Variants in SELENOF observed in about 807,000 individuals in gnomAD.
The protein encoded by SELENOF is selenoprotein F.
A neutral mutation model predicts 20.5 loss-of-function variants in SELENOF; 16 were observed. The ratio of observed to expected loss-of-function variants is 0.78; its 90% confidence interval spans 0.53 to 1.19. SELENOF has a LOEUF of 1.19. Ranked by LOEUF, SELENOF falls within the 50% of genes most tolerant of loss-of-function variation. SELENOF has a pLI of 0.00. For missense variants in SELENOF, 215 were observed against 194.2 expected (o/e 1.11, Z -0.64); for synonymous variants, 78 against 74.5 (o/e 1.05, Z -0.24).
chr1:86,871,948 A>C (rs1658780637), intron 3 of SELENOF, among the ~76,000 whole-genome samples: 1 of 151,918 alleles, frequency 6.6e-6, no homozygotes, highest in African/African-American at 2.4e-5. Context: ...CCTTAAAGAG[A>C]CTTTTTTTTT....
chr1:86,885,820 G>A (rs766651139), intron 2 of SELENOF, among the ~76,000 whole-genome samples: 10 of 152,144 alleles, frequency 6.6e-5, no homozygotes, highest in Non-Finnish European at 1.0e-4. Flanking sequence ...GTCATTCACT[G>A]AGCTTCAGTT....
At position 86,862,776 on chromosome 1, in the gene SELENOF, T is replaced by C. The variant is rs1658488024; in HGVS notation, c.*698A>G. ...GGTCTTACAAATGATCACTTTTAAA[T>C]GGACTTTTCTGTAAGAATGTAAAAC... On this transcript the variant is annotated 3_prime_UTR_variant, in exon 5 of 5. Coordinates refer to ENST00000331835, the MANE Select transcript of SELENOF (RefSeq NM_004261.5). 6.6e-6 allele frequency: 1 copy of C among 152,294 alleles called. No homozygotes were observed. The highest frequency in any genetic ancestry group is 1.5e-5 in the Non-Finnish European group (1 of 68,036). 9.4% of individuals were successfully genotyped at this position (152,294 alleles called of 1,614,324 possible).
intron 3 of SELENOF, among the ~76,000 whole-genome samples, chr1:86,870,432 CT>C (rs1658731408): frequency 6.6e-6 from 1 of 152,126 alleles, no homozygotes; most frequent in African/African-American, 2.4e-5. Flanking sequence ...TTTTTATTGC[CT>C]TTTATGCTGT....
chr1:86,887,341 A>G, intron 2 of SELENOF: 1 of 918,496 alleles, frequency 1.1e-6, no homozygotes, highest in Non-Finnish European at 1.5e-6. Context: ...CAAAGCAATG[A>G]GTTTATGCCT....
intron 3 of SELENOF, 133 bp downstream of exon 3, chr1:86,880,529 G>GA (rs1246550002): frequency 8.7e-5 from 44 of 507,360 alleles, no homozygotes; most frequent in Middle Eastern, 5.3e-4. Flanking sequence ...AAAACAAATT[G>GA]AAAAAAAAGC....
intron 1 of SELENOF, among the ~76,000 whole-genome samples, chr1:86,905,685 CA>C (rs1400245108): frequency 1.3e-5 from 2 of 152,170 alleles, no homozygotes; most frequent in Non-Finnish European, 2.9e-5. Context: ...ATAAATCGCA[CA>C]AAGCCATAGC....
chr1:86,908,819 C>T (rs1042101019), intron 1 of SELENOF, among the ~76,000 whole-genome samples: 6 of 152,170 alleles, frequency 3.9e-5, no homozygotes, highest in South Asian at 4.2e-4. Context: ...TTCTGGGGAG[C>T]GTTAATAAAC....
At chr1:86,898,993 A>T (rs983796406) in intron 2 of SELENOF, among the ~76,000 whole-genome samples, 4 of 151,918 alleles carry the variant, frequency 2.6e-5, no homozygotes, top group Non-Finnish European at 5.9e-5. Flanking sequence ...ACTCTTAAGG[A>T]GCATGCCGCC....
At chr1:86,896,713 G>A (rs947312971) in intron 2 of SELENOF, among the ~76,000 whole-genome samples, 5 of 152,122 alleles carry the variant, frequency 3.3e-5, no homozygotes, top group African/African-American at 9.7e-5. Context: ...ATGTAGAAAC[G>A]GGAGATCTAT....
intron 2 of SELENOF, among the ~76,000 whole-genome samples, chr1:86,893,104 C>T (rs1386413200): frequency 6.6e-6 from 1 of 152,004 alleles, no homozygotes; most frequent in Non-Finnish European, 1.5e-5. Flanking sequence ...CAGATTATAC[C>T]CTAGTTTCCT....
intron 3 of SELENOF, among the ~76,000 whole-genome samples, chr1:86,873,260 G>GAAACA (rs967854314): frequency 2.6e-5 from 4 of 151,832 alleles, no homozygotes; most frequent in Non-Finnish European, 5.9e-5. Context: ...CCGTCTCAAA[G>GAAACA]AAACAAAACA....
chr1:86,871,861 CT>C lies in SELENOF; in HGVS notation c.317-3760del, dbSNP rs370269072. On this transcript the variant is annotated intron_variant, in intron 3 of 4. Transcript: ENST00000331835. The stretch of plus-strand genomic sequence containing the variant: ...GATCACATTGTAATCACCTCATGTG[CT>C]CTATAGCTGCATGAGTCATTAAATA... 1.7e-3 allele frequency among the ~76,000 whole-genome samples: 252 copies of C among 152,250 alleles called. 1 individual carries two copies. Among genetic ancestry groups the C allele is most frequent in the African/African-American group, 5.7e-3 (237 of 41,562 alleles).
At chr1:86,899,173 C>G (rs1178473867) in intron 2 of SELENOF, among the ~76,000 whole-genome samples, 1 of 151,344 alleles carries the variant, frequency 6.6e-6, no homozygotes, top group African/African-American at 2.4e-5. Flanking sequence ...GAAAAGTCTC[C>G]CATGTCTACT....
chr1:86,882,086 G>C (rs1659085299), intron 2 of SELENOF, among the ~76,000 whole-genome samples: 1 of 151,660 alleles, frequency 6.6e-6, no homozygotes, highest in African/African-American at 2.4e-5. Flanking sequence ...ACAAAAATTA[G>C]CTGGGCGTGG....
chr1:86,890,520 C>T (rs963533787), intron 2 of SELENOF, among the ~76,000 whole-genome samples: 1 of 152,090 alleles, frequency 6.6e-6, no homozygotes, highest in South Asian at 2.1e-4. Flanking sequence ...AGACAGAGCT[C>T]GCTCTGTTAC....
intron 2 of SELENOF, among the ~76,000 whole-genome samples, chr1:86,888,183 C>G (rs1256214732): frequency 6.6e-6 from 1 of 151,328 alleles, no homozygotes; most frequent in African/African-American, 2.4e-5. Flanking sequence ...TCACTTGGAC[C>G]TGGGAGGTGG....
rs192647177 is a variant in SELENOF, at chr1:86,911,010, A to G, written c.84+3018T>C. ...ATTTCACTTATACATCAAGTATAGTACTACTCTGTATATGTGTCACTAGAG... is the reference window on the plus strand; with the variant it reads ...ATTTCACTTATACATCAAGTATAGTGCTACTCTGTATATGTGTCACTAGAG... On this transcript the variant is annotated intron_variant, in intron 1 of 4. Coordinates refer to ENST00000331835, the MANE Select transcript of SELENOF (RefSeq NM_004261.5). 3.9e-5 allele frequency among the ~76,000 whole-genome samples: 6 copies of G among 152,368 alleles called. No individual in the cohort carries two copies. In the East Asian group the frequency reaches 1.2e-3, roughly 29 times the overall value.
chr1:86,905,706 G>A (rs1042780655), intron 1 of SELENOF, among the ~76,000 whole-genome samples: 2 of 152,172 alleles, frequency 1.3e-5, no homozygotes, highest in African/African-American at 4.8e-5. Context: ...CGTCAGGTAG[G>A]GGAAATTTCA....
intron 2 of SELENOF, among the ~76,000 whole-genome samples, chr1:86,892,033 C>T (rs950658717): frequency 2.0e-5 from 3 of 151,742 alleles, no homozygotes; most frequent in Non-Finnish European, 4.4e-5. Context: ...CAGGTTCAAG[C>T]GATTCTCCTG....
Sources: gnomAD v4.1 joint callset for allele counts (sites outside exome capture counted in the v4.1 genomes callset) on GRCh38, gnomAD v4.1.1 for gene constraint, MANE v1.5 for transcripts, NCBI Gene and HGNC (gene_info 2026-07-23, HGNC 2026-07-21) for gene names.